Variants in TACR1 observed in about 807,000 individuals in gnomAD.
The protein encoded by TACR1 is tachykinin receptor 1.
TACR1 carries 25 observed loss-of-function variants against 35.8 expected under a neutral mutation model. That is an observed-to-expected ratio of 0.70 (90% CI 0.51 to 0.98). TACR1 has a LOEUF of 0.98. Among genes scored for constraint, TACR1 ranks in the 50% least tolerant of loss-of-function variants. The probability of loss-of-function intolerance (pLI) is 0.00; values close to 1 mark genes in which losing one functional copy is unlikely to be tolerated. For missense variants in TACR1, 478 were observed against 522.9 expected (o/e 0.91, Z 0.84); for synonymous variants, 195 against 206.7 (o/e 0.94, Z 0.48).
chr2:75,198,001 GAACC>G (rs1321109116), intron 1 of TACR1, among the ~76,000 whole-genome samples: 3 of 151,936 alleles, frequency 2.0e-5, no homozygotes, highest in East Asian at 1.9e-4. Flanking sequence ...ACAAACCAAC[GAACC>G]AACCAACCAA....
intron 3 of TACR1, among the ~76,000 whole-genome samples, chr2:75,053,019 A>G (rs1052579614): frequency 2.0e-5 from 3 of 152,060 alleles, no homozygotes; most frequent in Non-Finnish European, 2.9e-5. Flanking sequence ...ACTACTGACT[A>G]TATTTGGGTT....
At chr2:75,051,546 T>G in intron 3 of TACR1, 99 bp from the exon 4 acceptor site, 17 of 1,545,074 alleles carry the variant, frequency 1.1e-5, no homozygotes, top group Non-Finnish European at 1.5e-5. Context: ...CAGTATGGGA[T>G]GAAGCGAGAA....
At chr2:75,090,980 C>G (rs1380363748) in intron 2 of TACR1, 1 of 152,172 alleles carries the variant, frequency 6.6e-6, no homozygotes, top group Non-Finnish European at 1.5e-5. Context: ...AGCTAAGCTT[C>G]CAGCACTTCT....
chr2:75,071,813 C>T (rs1274146224), intron 2 of TACR1, among the ~76,000 whole-genome samples: 1 of 152,208 alleles, frequency 6.6e-6, no homozygotes, highest in African/African-American at 2.4e-5. Context: ...TCCATCAATG[C>T]TCCCTCCTGC....
intron 2 of TACR1, among the ~76,000 whole-genome samples, chr2:75,093,299 T>C (rs1417868272): frequency 6.6e-6 from 1 of 152,192 alleles, no homozygotes; most frequent in East Asian, 1.9e-4. Flanking sequence ...ATAGCATCTA[T>C]GCAGCAAAAG....
intron 1 of TACR1, among the ~76,000 whole-genome samples, chr2:75,137,497 G>GGGC (rs1242697553): frequency 6.6e-6 from 1 of 151,814 alleles, no homozygotes; most frequent in Non-Finnish European, 1.5e-5. Context: ...AGGCCAAGGT[G>GGGC]GGCGGATCAC....
intron 2 of TACR1, among the ~76,000 whole-genome samples, chr2:75,070,260 T>C (rs903335395): frequency 2.8e-5 from 4 of 145,448 alleles, no homozygotes; most frequent in African/African-American, 1.1e-4. Context: ...TGTATGTGTG[T>C]GTGTGTGTGT....
chr2:75,199,007 C>T lies in TACR1; in HGVS notation c.-73G>A. On this transcript the variant is annotated 5_prime_UTR_variant, in exon 1 of 5. Transcript: ENST00000305249. Reference sequence around the variant, plus strand: ...TGCAGCAGAGTCCTGTGGCTGGCGCCTGGGGCTCAGGGTCCTTCTAAAGCC... The same window carrying T: ...TGCAGCAGAGTCCTGTGGCTGGCGCTTGGGGCTCAGGGTCCTTCTAAAGCC... 6.5e-7 allele frequency: 1 copy of T among 1,549,814 alleles called. No homozygotes were observed. Among genetic ancestry groups the T allele is most frequent in the South Asian group, 1.2e-5 (1 of 80,486 alleles).
intron 1 of TACR1, among the ~76,000 whole-genome samples, chr2:75,136,675 G>A (rs183227024): frequency 9.2e-5 from 14 of 152,268 alleles, no homozygotes; most frequent in African/African-American, 3.4e-4. Context: ...AATGGTCAAA[G>A]TCATAACAGG....
intron 1 of TACR1, among the ~76,000 whole-genome samples, chr2:75,137,676 C>G (rs1412154391): frequency 2.2e-5 from 3 of 136,832 alleles, no homozygotes; most frequent in African/African-American, 5.6e-5. Flanking sequence ...TTGCAGTAAG[C>G]CAGGATCACA....
At chr2:75,176,318 A>G (rs1675418221) in intron 1 of TACR1, among the ~76,000 whole-genome samples, 1 of 150,928 alleles carries the variant, frequency 6.6e-6, no homozygotes, top group African/African-American at 2.4e-5. Context: ...TAAAGGAGAC[A>G]TTATACATTT....
chr2:75,087,622 A>G (rs1673213672), intron 2 of TACR1, among the ~76,000 whole-genome samples: 1 of 152,218 alleles, frequency 6.6e-6, no homozygotes. Context: ...GTGTTGTGCT[A>G]GTTAACATTT....
chr2:75,155,305 G>A (rs56094560), intron 1 of TACR1, among the ~76,000 whole-genome samples: 2,044 of 152,238 alleles, frequency 0.013, 55 homozygotes, highest in African/African-American at 0.047. Context: ...AGCTCACTTA[G>A]CATCATCTGG....
At chr2:75,147,899 C>T (rs1674550883) in intron 1 of TACR1, among the ~76,000 whole-genome samples, 1 of 152,042 alleles carries the variant, frequency 6.6e-6, no homozygotes. Context: ...CATGTGCCAC[C>T]ACACCTGGCT....
intron 1 of TACR1, among the ~76,000 whole-genome samples, chr2:75,169,215 C>A (rs1675217725): frequency 6.6e-6 from 1 of 152,018 alleles, no homozygotes; most frequent in South Asian, 2.1e-4. Context: ...GAGTGGAAAT[C>A]ATGTTTGATA....
chr2:75,194,903 C>T (rs1395810454), intron 1 of TACR1, among the ~76,000 whole-genome samples: 1 of 152,164 alleles, frequency 6.6e-6, no homozygotes, highest in African/African-American at 2.4e-5. Flanking sequence ...TTATCTGTTG[C>T]CCATTCCCCA....
chr2:75,197,204 A>G (rs1168068106), intron 1 of TACR1, among the ~76,000 whole-genome samples: 1 of 152,264 alleles, frequency 6.6e-6, no homozygotes, highest in African/African-American at 2.4e-5. Context: ...AGCTGCATAT[A>G]GAGAGATGTA....
At chr2:75,103,452 A>G (rs1389197531) in intron 2 of TACR1, among the ~76,000 whole-genome samples, 1 of 152,198 alleles carries the variant, frequency 6.6e-6, no homozygotes, top group Non-Finnish European at 1.5e-5. Context: ...AGTGGCCCCA[A>G]TGGCCAAAAC....
intron 2 of TACR1, among the ~76,000 whole-genome samples, chr2:75,065,472 G>A (rs554028833): frequency 1.3e-5 from 2 of 152,272 alleles, no homozygotes; most frequent in South Asian, 2.1e-4. Context: ...CTCTAGATGG[G>A]TCTTAATTCT....
Sources: allele counts gnomAD v4.1 joint callset (sites outside exome capture counted in the v4.1 genomes callset), GRCh38; gene constraint gnomAD v4.1.1; transcripts MANE v1.5; gene names NCBI Gene and HGNC (gene_info 2026-07-23, HGNC 2026-07-21).